The following RYR2 variants were observed in gnomAD, a reference collection of about 807,000 sequenced individuals.
RYR2 encodes cardiac muscle ryanodine receptor-calcium release channel.
In RYR2, 227 loss-of-function variants were observed where a neutral mutation model predicts 601.1. The ratio of observed to expected loss-of-function variants is 0.38; its 90% CI spans 0.34 to 0.42. RYR2 has a LOEUF of 0.42. Ranked by LOEUF, RYR2 falls within the 10% of genes least tolerant of loss-of-function variation. The pLI is 1.00. For synonymous variants in RYR2, 2,223 were observed against 2,175.1 expected (o/e 1.02, Z -0.61); for missense variants, 4,646 against 6,156.5 (o/e 0.75, Z 8.21).
intron 25 of RYR2, among the ~76,000 whole-genome samples, chr1:237,539,011 A>G (rs1668970748): frequency 6.6e-6 from 1 of 152,214 alleles, no homozygotes. Flanking sequence ...ATGACTTTAA[A>G]GGTCCATTCT....
chr1:237,517,547 G>C (rs1016476527), intron 24 of RYR2, among the ~76,000 whole-genome samples: 2 of 151,852 alleles, frequency 1.3e-5, no homozygotes, highest in East Asian at 1.9e-4. Context: ...TTATGAATTT[G>C]TGTTGGGCCA....
intron 84 of RYR2, among the ~76,000 whole-genome samples, chr1:237,767,855 C>T (rs901211289): frequency 1.3e-5 from 2 of 152,120 alleles, no homozygotes; most frequent in East Asian, 1.9e-4. Context: ...TCAAGATCCA[C>T]AATCAGCATA....
At chr1:237,564,197 A>G (rs1671737193) in intron 27 of RYR2, among the ~76,000 whole-genome samples, 1 of 152,158 alleles carries the variant, frequency 6.6e-6, no homozygotes, top group African/African-American at 2.4e-5. Flanking sequence ...CTGTTTTTTG[A>G]GGAAATACTA....
chr1:237,641,831 C>T (rs1239989453), intron 47 of RYR2, among the ~76,000 whole-genome samples: 1 of 152,218 alleles, frequency 6.6e-6, no homozygotes, highest in Non-Finnish European at 1.5e-5. Context: ...CGTGAGCCAG[C>T]GTACCCAGCC....
At chr1:237,226,829 C>T (rs1387041448) in intron 1 of RYR2, among the ~76,000 whole-genome samples, 8 of 152,040 alleles carry the variant, frequency 5.3e-5, no homozygotes, top group Non-Finnish European at 8.8e-5. Context: ...AGTGTAGTGG[C>T]GTGCTCTCGG....
At chr1:237,391,178 C>T (rs1200205744) in intron 10 of RYR2, among the ~76,000 whole-genome samples, 1 of 151,936 alleles carries the variant, frequency 6.6e-6, no homozygotes, top group Non-Finnish European at 1.5e-5. Flanking sequence ...CTGTTATTTC[C>T]CTAGGTCATT....
chr1:237,419,176 C>A (rs1057064129), intron 11 of RYR2, among the ~76,000 whole-genome samples: 3 of 151,564 alleles, frequency 2.0e-5, no homozygotes, highest in African/African-American at 7.3e-5. Context: ...TTGTATTGAC[C>A]TTGTAAAACA....
intron 80 of RYR2, among the ~76,000 whole-genome samples, chr1:237,752,762 A>G (rs1293456952): frequency 5.9e-5 from 9 of 152,002 alleles, no homozygotes; most frequent in African/African-American, 1.2e-4. Flanking sequence ...CTGTCTTTTT[A>G]TTTCGTATAA....
At chr1:237,060,768 A>G (rs758335296) in intron 1 of RYR2, among the ~76,000 whole-genome samples, 1 of 152,202 alleles carries the variant, frequency 6.6e-6, no homozygotes, top group Non-Finnish European at 1.5e-5. Context: ...GCTACAATTC[A>G]TCTATCCATT....
intron 2 of RYR2, among the ~76,000 whole-genome samples, chr1:237,322,329 T>C (rs1044437363): frequency 6.6e-5 from 10 of 152,168 alleles, no homozygotes; most frequent in African/African-American, 2.4e-4. Context: ...GCTTTTCTCT[T>C]CTCCTTTTGA....
rs117045905 is a variant in RYR2, at chr1:237,101,943, G to A, written c.48+59374G>A. ...TTCCAATCTTGTTTAAAGTGTATTC[G>A]TAAAACGTGAGTTAATAATGTGGCA... On this transcript the variant is annotated intron_variant, in intron 1 of 104. Coordinates refer to ENST00000366574, the MANE Select transcript of RYR2 (RefSeq NM_001035.3). 2.4e-4 allele frequency among the ~76,000 whole-genome samples: 36 copies of A among 152,300 alleles called. No homozygotes were observed. The East Asian group carries it at 6.4e-3, about 27-fold the overall frequency.
intron 1 of RYR2, among the ~76,000 whole-genome samples, chr1:237,183,880 A>G (rs947427287): frequency 5.3e-5 from 8 of 152,180 alleles, no homozygotes; most frequent in South Asian, 2.1e-4. Flanking sequence ...GATTTTTCAT[A>G]ATCTGTTAGA....
rs373881578 is a variant in RYR2 at position 237,648,484 on chromosome 1, C to T, written c.7383C>T (p.Cys2461=). 6 of 1,610,218 alleles carry T rather than the reference C, an allele frequency of 3.7e-6. No homozygotes were observed. In the African/African-American group the frequency reaches 4.0e-5, roughly 11 times the overall value. ...VVEPDMSAGF[C]PDHKAAMVLF... Reference sequence around the variant, plus strand: ...AACCTGACATGTCTGCGGGGTTTTGCCCAGATCACAAGGCAGCCATGGTTT... The same window carrying T: ...AACCTGACATGTCTGCGGGGTTTTGTCCAGATCACAAGGCAGCCATGGTTT... Residue 2461 remains cysteine (C), a synonymous_variant, in exon 49 of 105, where the codon TGC becomes TGT. Transcript: ENST00000366574.
At chr1:237,722,992 G>A (rs1689876315) in intron 73 of RYR2, 136 bp from the exon 74 acceptor site, 1 of 669,504 alleles carries the variant, frequency 1.5e-6, no homozygotes, top group Non-Finnish European at 2.5e-6. Flanking sequence ...CATAACTGCA[G>A]CTGCGCGTCA....
Position 237,115,382 on chromosome 1 carries a change from G to T in RYR2, c.48+72813G>T, listed in dbSNP as rs1289645111. ...TTCCCTCTCCGGATCCATAAGGACTGCAGAGAGCAGCCCTCACACAGCAAG... is the reference window on the plus strand; with the variant it reads ...TTCCCTCTCCGGATCCATAAGGACTTCAGAGAGCAGCCCTCACACAGCAAG... On this transcript the variant is annotated intron_variant, in intron 1 of 104. Coordinates refer to ENST00000366574, the MANE Select transcript of RYR2 (RefSeq NM_001035.3). Among the ~76,000 whole-genome samples, 5 of 152,160 alleles carry T rather than the reference G, an allele frequency of 3.3e-5. No homozygotes were observed. The East Asian group carries it at 9.6e-4, about 29-fold the overall frequency.
chr1:237,187,087 T>C (rs1466956227), intron 1 of RYR2, among the ~76,000 whole-genome samples: 4 of 152,020 alleles, frequency 2.6e-5, no homozygotes, highest in Non-Finnish European at 4.4e-5. Context: ...GTTTAGAAAG[T>C]GAATCAATGG....
chr1:237,379,701 C>A (rs539394289), intron 8 of RYR2, among the ~76,000 whole-genome samples: 1 of 152,182 alleles, frequency 6.6e-6, no homozygotes, highest in South Asian at 2.1e-4. Flanking sequence ...CATCATAGCT[C>A]ACAGAAGCCT....
intron 10 of RYR2, among the ~76,000 whole-genome samples, chr1:237,411,431 G>T (rs542490970): frequency 6.6e-6 from 1 of 152,228 alleles, no homozygotes; most frequent in African/African-American, 2.4e-5. Flanking sequence ...TAGGGACTTT[G>T]AATATCAACA....
At chr1:237,063,666 A>T (rs926003376) in intron 1 of RYR2, among the ~76,000 whole-genome samples, 1 of 152,032 alleles carries the variant, frequency 6.6e-6, no homozygotes, top group Admixed American at 6.6e-5. Context: ...GTCAGAATTC[A>T]TGTAGATTTA....
Sources: allele counts gnomAD v4.1 joint callset (sites outside exome capture counted in the v4.1 genomes callset), GRCh38; gene constraint gnomAD v4.1.1; transcripts MANE v1.5; gene names NCBI Gene and HGNC (gene_info 2026-07-23, HGNC 2026-07-21).